The following GTF2IRD2B variants were observed in gnomAD, a reference collection of about 807,000 sequenced individuals.
The protein encoded by GTF2IRD2B is GTF2I repeat domain containing 2B, also known as general transcription factor II-I repeat domain-containing protein 2B.
Under a neutral mutation model 55.6 loss-of-function variants are expected in GTF2IRD2B, and 10 were observed. The ratio of observed to expected loss-of-function variants is 0.18; its 90% CI spans 0.11 to 0.31. The LOEUF (loss-of-function observed/expected upper bound fraction) is 0.31. Among genes scored for constraint, GTF2IRD2B ranks in the 10% least tolerant of loss-of-function variants. The pLI, the probability that GTF2IRD2B is intolerant of heterozygous loss-of-function variation, is 1.00. For synonymous variants in GTF2IRD2B, 107 were observed against 320.5 expected (o/e 0.33, Z 7.12); for missense variants, 206 against 802.7 (o/e 0.26, Z 8.98).
intron 15 of GTF2IRD2B, among the ~76,000 whole-genome samples, chr7:75,147,112 G>T (rs4717144): frequency 6.6e-6 from 1 of 151,002 alleles, no homozygotes; most frequent in Non-Finnish European, 1.5e-5. Context: ...CTTTCATAAA[G>T]GTCAATCTTC....
At chr7:75,093,072 G>A (rs1346244520) in intron 1 of GTF2IRD2B, among the ~76,000 whole-genome samples, 1 of 152,300 alleles carries the variant, frequency 6.6e-6, no homozygotes. Flanking sequence ...GCCACGCTCC[G>A]CCCGTCGTAC....
chr7:75,113,863 AGT>A (rs782323728), intron 3 of GTF2IRD2B, among the ~76,000 whole-genome samples: 1,608 of 134,742 alleles, frequency 0.012, 6 homozygotes, highest in East Asian at 0.013. Flanking sequence ...GGGTATATAA[AGT>A]GTGTGTGTGT....
chr7:75,115,267 T>C (rs1226646495), intron 3 of GTF2IRD2B, among the ~76,000 whole-genome samples: 7 of 150,186 alleles, frequency 4.7e-5, no homozygotes, highest in African/African-American at 7.4e-5. Flanking sequence ...GACTCCCTAC[T>C]CTATTCCGTA....
chr7:75,106,986 CT>C (rs1807828124), intron 1 of GTF2IRD2B, among the ~76,000 whole-genome samples: 1 of 151,268 alleles, frequency 6.6e-6, no homozygotes, highest in Non-Finnish European at 1.5e-5. Context: ...TTAGAGTGAG[CT>C]TTTAGGAGAC....
In GTF2IRD2B at chr7:75,122,302, A is replaced by T. The variant is rs1297986183; in HGVS notation, c.359-834A>T. ...TCCATAGGCATGAAGATGGGAATTTAAAAAAAAAATACGCTGGGCATGGTG... is the reference window on the plus strand; with the variant it reads ...TCCATAGGCATGAAGATGGGAATTTTAAAAAAAAATACGCTGGGCATGGTG... On this transcript the variant is annotated intron_variant, in intron 4 of 15. Transcript: ENST00000472837. Among the ~76,000 whole-genome samples the T allele has an allele frequency of 6.5e-5, 9 of 138,874 alleles. 1 individual carries two copies. The highest frequency in any genetic ancestry group is 1.6e-4 in the African/African-American group (5 of 32,180). 91.1% of individuals were successfully genotyped at this position (138,874 alleles called of 152,430 possible).
intron 8 of GTF2IRD2B, among the ~76,000 whole-genome samples, chr7:75,127,033 C>A (rs868938509): frequency 0.011 from 1,628 of 142,578 alleles, 25 homozygotes; most frequent in Admixed American, 0.015. Flanking sequence ...ACAAAAAAAA[C>A]AAAAAAAAGA....
chr7:75,118,135 C>T (rs1554537013), intron 3 of GTF2IRD2B, among the ~76,000 whole-genome samples: 8 of 151,924 alleles, frequency 5.3e-5, no homozygotes, highest in East Asian at 1.9e-4. Context: ...AAGGAGGTTT[C>T]GCAGTGAATT....
At chr7:75,101,920 T>TA (rs1294362054) in intron 1 of GTF2IRD2B, among the ~76,000 whole-genome samples, 1 of 148,996 alleles carries the variant, frequency 6.7e-6, no homozygotes, top group South Asian at 2.1e-4. Flanking sequence ...AAAAGAAAAT[T>TA]AAAAAAAATA....
chr7:75,123,736 G>A (rs1554452234), intron 6 of GTF2IRD2B: 2 of 649,100 alleles, frequency 3.1e-6, no homozygotes, highest in East Asian at 3.4e-5. Flanking sequence ...AAATTAGCCG[G>A]GCGTGGTGGC....
intron 1 of GTF2IRD2B, among the ~76,000 whole-genome samples, chr7:75,106,026 G>T (rs1242066063): frequency 6.6e-6 from 1 of 152,308 alleles, no homozygotes; most frequent in African/African-American, 2.4e-5. Context: ...AAGTGGGCAA[G>T]AAATCAAACC....
chr7:75,105,599 AT>A (rs1216337791), intron 1 of GTF2IRD2B, among the ~76,000 whole-genome samples: 1 of 152,306 alleles, frequency 6.6e-6, no homozygotes, highest in African/African-American at 2.4e-5. Context: ...ATTTATAAAA[AT>A]TTTTAACGAT....
At chr7:75,123,832 C>T (rs1554536114) in intron 6 of GTF2IRD2B, 8 of 380,516 alleles carry the variant, frequency 2.1e-5, no homozygotes, top group Non-Finnish European at 4.1e-5. Flanking sequence ...GAGCGGAGAT[C>T]GCGCCACTGC....
In GTF2IRD2B at chr7:75,123,176, T is replaced by C; in HGVS notation, c.399T>C (p.Tyr133=). The change falls in exon 5 of 16, where the codon TAT becomes TAC. Residue 133 remains tyrosine (Y), a synonymous_variant. Coordinates refer to ENST00000472837, the MANE Select transcript of GTF2IRD2B (RefSeq NM_001003795.3). ...LGTTVMVPVP[Y]EKMLRDQSAV... is the part of the protein sequence containing the mutation. Reference sequence around the variant, plus strand: ...CAACAGTGATGGTGCCTGTTCCCTATGAGAAGATGCTGCGAGACCAGTCGG... The same window carrying C: ...CAACAGTGATGGTGCCTGTTCCCTACGAGAAGATGCTGCGAGACCAGTCGG... 6.5e-7 allele frequency: 1 copy of C among 1,536,526 alleles called. No homozygotes were observed. The highest frequency in any genetic ancestry group is 8.7e-7 in the Non-Finnish European group (1 of 1,144,054).
chr7:75,094,028 CTT>C (rs1349232216), intron 1 of GTF2IRD2B: 2 of 18,342 alleles, frequency 1.1e-4, no homozygotes, highest in Admixed American at 1.0e-3. Flanking sequence ...CTCTTCTCCT[CTT>C]TGCTTCCATT....
chr7:75,103,064 G>A (rs1807632091), intron 1 of GTF2IRD2B, among the ~76,000 whole-genome samples: 1 of 151,554 alleles, frequency 6.6e-6, no homozygotes, highest in Non-Finnish European at 1.5e-5. Flanking sequence ...GATCAACTGA[G>A]GTTAGGAGTT....
chr7:75,093,020 A>G (rs1807306634), intron 1 of GTF2IRD2B, among the ~76,000 whole-genome samples: 2 of 152,304 alleles, frequency 1.3e-5, no homozygotes, highest in Non-Finnish European at 2.9e-5. Flanking sequence ...CGGAGCGCAC[A>G]TCCCTCTCCT....
At chr7:75,113,735 A>T (rs1554450976) in intron 3 of GTF2IRD2B, among the ~76,000 whole-genome samples, 1 of 149,190 alleles carries the variant, frequency 6.7e-6, no homozygotes, top group African/African-American at 2.5e-5. Flanking sequence ...TATTCCTTGT[A>T]ACCATGAAAG....
intron 3 of GTF2IRD2B, among the ~76,000 whole-genome samples, chr7:75,117,394 G>C (rs1453833730): frequency 1.3e-5 from 2 of 152,392 alleles, no homozygotes; most frequent in African/African-American, 4.8e-5. Flanking sequence ...ACTCGGGAGG[G>C]AGAGGCAGGA....
intron 1 of GTF2IRD2B, among the ~76,000 whole-genome samples, chr7:75,105,661 A>G (rs1241496708): frequency 1.3e-5 from 2 of 152,308 alleles, no homozygotes; most frequent in African/African-American, 2.4e-5. Flanking sequence ...CAGAAAGATG[A>G]TAACTCTAAG....
Sources: gnomAD v4.1 joint callset for allele counts (sites outside exome capture counted in the v4.1 genomes callset) on GRCh38, gnomAD v4.1.1 for gene constraint, MANE v1.5 for transcripts, NCBI Gene and HGNC (gene_info 2026-07-23, HGNC 2026-07-21) for gene names.